Variants in SPOP observed in about 807,000 individuals in gnomAD.
The protein encoded by SPOP is speckle type BTB/POZ protein, also known as speckle-type POZ protein.
Under a neutral mutation model 45.6 loss-of-function variants are expected in SPOP, and 11 were observed. The observed-to-expected ratio is 0.24, with a 90% CI of 0.15 to 0.40. The LOEUF (loss-of-function observed/expected upper bound fraction) is 0.40, where lower values mean the gene tolerates loss of function less well. Ranked by LOEUF, SPOP falls within the 10% of genes least tolerant of loss-of-function variation. The probability of loss-of-function intolerance (pLI) is 1.00; values close to 1 mark genes in which losing one functional copy is unlikely to be tolerated. For missense variants in SPOP, 152 were observed against 465.6 expected (o/e 0.33, Z 6.20); for synonymous variants, 166 against 166.3 (o/e 1.00, Z 0.01).
chr17:49,648,582 C>T (rs544274294), intron 1 of SPOP, among the ~76,000 whole-genome samples: 4 of 152,280 alleles, frequency 2.6e-5, no homozygotes, highest in Non-Finnish European at 5.9e-5. Flanking sequence ...ACTTAATCCT[C>T]TACACTGTGG....
At chr17:49,669,574 G>A (rs966202198) in intron 1 of SPOP, among the ~76,000 whole-genome samples, 4 of 149,442 alleles carry the variant, frequency 2.7e-5, no homozygotes, top group Non-Finnish European at 5.9e-5. Flanking sequence ...AGACCATCCT[G>A]GCCAACATGG....
chr17:49,599,539 G>C lies in SPOP; in HGVS notation c.*839C>G, dbSNP rs1489786536. The C allele has an allele frequency of 9.1e-6, 2 of 219,152 alleles. No homozygotes were observed. Among genetic ancestry groups the C allele is most frequent in the African/African-American group, 4.5e-5 (2 of 44,274 alleles). The allele number at this position is 219,152 out of a possible 1,614,324, so 13.6% of individuals were successfully genotyped here. The stretch of plus-strand genomic sequence containing the variant: ...TTTTGTTTGTTTTTTAGAAAAAGGG[G>C]TGGGGGAGAAGAAATAAAATCAGAG... On this transcript the variant is annotated 3_prime_UTR_variant, in exon 10 of 10. Coordinates refer to ENST00000504102, the MANE Select transcript of SPOP (RefSeq NM_001007228.2).
At chr17:49,626,832 G>A (rs545732635) in intron 1 of SPOP, among the ~76,000 whole-genome samples, 3 of 152,178 alleles carry the variant, frequency 2.0e-5, no homozygotes, top group Admixed American at 1.3e-4. Context: ...TTATTCCCAT[G>A]GTCATAAACA....
chr17:49,645,270 A>T (rs549934563), intron 1 of SPOP, among the ~76,000 whole-genome samples: 18 of 152,168 alleles, frequency 1.2e-4, no homozygotes, highest in South Asian at 8.3e-4. Context: ...TGACTTCATA[A>T]ATGTCAATAA....
At chr17:49,656,104 G>T (rs1597972948) in intron 1 of SPOP, among the ~76,000 whole-genome samples, 3 of 152,170 alleles carry the variant, frequency 2.0e-5, no homozygotes, top group African/African-American at 7.2e-5. Context: ...GAGCCACCGT[G>T]CCCAGCCAGG....
Position 49,602,021 on chromosome 17 carries a change from G to C in SPOP, c.838-14C>G. Reference sequence around the variant, plus strand: ...CTCCAGGGCATACTGTAAAACACAAGCACTGCTGTCATCAGAGCAGCAATA... The same window carrying C: ...CTCCAGGGCATACTGTAAAACACAACCACTGCTGTCATCAGAGCAGCAATA... On this transcript the variant is annotated splice_polypyrimidine_tract_variant and intron_variant, in intron 8 of 9. Coordinates refer to ENST00000504102, the MANE Select transcript of SPOP (RefSeq NM_001007228.2). The C allele has an allele frequency of 6.2e-7, 1 of 1,613,526 alleles. No individual in the cohort carries two copies. The highest frequency in any genetic ancestry group is 8.5e-7 in the Non-Finnish European group (1 of 1,179,694).
chr17:49,607,527 T>C (rs1319103089), intron 7 of SPOP, among the ~76,000 whole-genome samples, 155 bp from the exon 8 acceptor site: 2 of 152,256 alleles, frequency 1.3e-5, no homozygotes, highest in South Asian at 2.1e-4. Flanking sequence ...TTGATTATAA[T>C]AGCCTTTTCG....
At chr17:49,645,386 G>A (rs2072737144) in intron 1 of SPOP, among the ~76,000 whole-genome samples, 1 of 151,276 alleles carries the variant, frequency 6.6e-6, no homozygotes, top group Admixed American at 6.6e-5. Flanking sequence ...TGCAACCTCT[G>A]CCTCCCAGAT....
chr17:49,636,330 T>C (rs1297771320), intron 1 of SPOP: 3 of 152,182 alleles, frequency 2.0e-5, no homozygotes, highest in African/African-American at 7.2e-5. Flanking sequence ...AGAAAAATAA[T>C]CTGACTCTAA....
At chr17:49,613,936 C>T (rs2072028912) in intron 5 of SPOP, among the ~76,000 whole-genome samples, 2 of 151,934 alleles carry the variant, frequency 1.3e-5, no homozygotes, top group African/African-American at 2.4e-5. Flanking sequence ...GTGAAGATGA[C>T]GTGACTGTGA....
At chr17:49,643,106 A>G (rs1597959820) in intron 1 of SPOP, among the ~76,000 whole-genome samples, 1 of 152,262 alleles carries the variant, frequency 6.6e-6, no homozygotes, top group Admixed American at 6.5e-5. Context: ...AATTCAGCAC[A>G]TAAATTCTCA....
chr17:49,634,028 A>C (rs73987369), intron 1 of SPOP, among the ~76,000 whole-genome samples: 2 of 152,196 alleles, frequency 1.3e-5, no homozygotes, highest in African/African-American at 4.8e-5. Flanking sequence ...AAAAAAAAAA[A>C]AACAGAAAAA....
chr17:49,636,821 A>G (rs1300966048), intron 1 of SPOP: 1 of 152,228 alleles, frequency 6.6e-6, no homozygotes. Context: ...TGTTGGAAAT[A>G]GAGAATATGA....
In SPOP at chr17:49,644,264, C is replaced by T. The variant is rs80306859; in HGVS notation, c.-66-21388G>A. On this transcript the variant is annotated intron_variant, in intron 1 of 9. Transcript: ENST00000504102. ...AAATTTATCAGATTCCAAAAAGAAT[C>T]CATAAGGAAAGAAAATTTCAGAGCC... 2.1e-3 allele frequency among the ~76,000 whole-genome samples: 316 copies of T among 152,154 alleles called. 1 individual carries two copies. The highest frequency in any genetic ancestry group is 3.7e-3 in the Non-Finnish European group (250 of 67,988).
rs369584356 is a variant in SPOP, at chr17:49,619,402, GA to G, written c.201-18del. ...CGCAAACACCTGTCCAAAACAGATA[GA>G]AAAAAAAAATGTCAAAAGCATCCAT... On this transcript the variant is annotated intron_variant, in intron 3 of 9. Coordinates refer to ENST00000504102, the MANE Select transcript of SPOP (RefSeq NM_001007228.2). The surrounding 1 kb of genome is among the most constrained non-coding windows in gnomAD (Gnocchi z 4.9). 3.7e-4 allele frequency: 528 copies of G among 1,443,700 alleles called. No homozygotes were observed. The highest frequency in any genetic ancestry group is 1.2e-3 in the Admixed American group (55 of 44,284). 89.4% of individuals were successfully genotyped at this position (1,443,700 alleles called of 1,614,324 possible). A position where few individuals can be genotyped will look rare whatever the true frequency, so the allele number is the denominator to read the frequency against.
chr17:49,622,671 C>T (rs1358363425), intron 2 of SPOP, 62 bp downstream of exon 2: 4 of 1,429,746 alleles, frequency 2.8e-6, no homozygotes, highest in Non-Finnish European at 3.9e-6. Flanking sequence ...AGCAATCCTA[C>T]TCCTTTCGTC....
At chr17:49,610,509 G>A (rs1236877458) in intron 6 of SPOP, among the ~76,000 whole-genome samples, 1 of 152,188 alleles carries the variant, frequency 6.6e-6, no homozygotes, top group Non-Finnish European at 1.5e-5. Flanking sequence ...ATGAGCCACC[G>A]CGCCCGTGAC....
chr17:49,639,011 A>G (rs1183552650), intron 1 of SPOP, among the ~76,000 whole-genome samples: 1 of 152,226 alleles, frequency 6.6e-6, no homozygotes, highest in East Asian at 1.9e-4. Flanking sequence ...AGCAGGAGTC[A>G]GGCTGAATTC....
intron 5 of SPOP, among the ~76,000 whole-genome samples, chr17:49,615,659 G>T (rs2072070764): frequency 6.6e-6 from 1 of 152,034 alleles, no homozygotes; most frequent in Non-Finnish European, 1.5e-5. Flanking sequence ...GAACCACAGG[G>T]GTGGGCCACC....
Sources: gnomAD v4.1 joint callset for allele counts (sites outside exome capture counted in the v4.1 genomes callset) on GRCh38, gnomAD v4.1.1 for gene constraint, Gnocchi (gnomAD v3.1) non-coding constraint, MANE v1.5 for transcripts, NCBI Gene and HGNC (gene_info 2026-07-23, HGNC 2026-07-21) for gene names.